APPL2: variants seen among roughly 807,000 people sequenced by gnomAD.
APPL2 encodes adaptor protein, phosphotyrosine interacting with PH domain and leucine zipper 2, also known as DCC-interacting protein 13-beta.
Under a neutral mutation model 92.7 loss-of-function variants are expected in APPL2, and 84 were observed. That is an observed-to-expected ratio of 0.91 (90% confidence interval 0.76 to 1.09). APPL2 has a LOEUF of 1.09. APPL2 is among the 50% of genes least tolerant of loss of function. APPL2 has a pLI of 0.00. For synonymous variants in APPL2, 291 were observed against 291.0 expected (o/e 1.00, Z 0.00); for missense variants, 736 against 824.5 (o/e 0.89, Z 1.31).
At chr12:105,226,332 A>T (rs944505652) in intron 2 of APPL2, among the ~76,000 whole-genome samples, 5 of 152,222 alleles carry the variant, frequency 3.3e-5, no homozygotes, top group African/African-American at 1.2e-4. Flanking sequence ...ATCTGGCAGC[A>T]CTAACCAGAC....
chr12:105,207,261 T>G (rs1888801870), intron 7 of APPL2, 54 bp from the exon 8 acceptor site: 1 of 1,522,256 alleles, frequency 6.6e-7, no homozygotes, highest in Non-Finnish European at 8.8e-7. Context: ...GTGACAATTC[T>G]GTAAAAGCGT....
At chr12:105,203,309 A>T (rs923434987) in intron 9 of APPL2, 1 of 173,096 alleles carries the variant, frequency 5.8e-6, no homozygotes, top group Non-Finnish European at 1.2e-5. Flanking sequence ...TTAATTCCAA[A>T]AAGGCTCTAT....
rs1273219075 is a variant in APPL2, at chr12:105,208,190, G to C, written c.383C>G (p.Thr128Ser). 1 of 1,614,230 alleles carries C rather than the reference G, an allele frequency of 6.2e-7. No homozygotes were observed. The change falls in exon 6 of 21, where the codon ACT becomes AGT. Residue 128 changes from threonine to serine, a missense_variant. Coordinates refer to ENST00000258530, the MANE Select transcript of APPL2 (RefSeq NM_018171.5). ...FREKDLTEVS[T>S]LKDLFGLASN... ...AGCGAGTCCAAATAGATCCTTTAAA[G>C]TGCTTACTTCTGAAAAGGAGAAAAG...
Position 105,195,449 on chromosome 12 carries a change from G to A in APPL2, c.1148C>T (p.Pro383Leu), listed in dbSNP as rs1887556955. The A allele has an allele frequency of 3.7e-6, 6 of 1,614,090 alleles. No homozygotes were observed. The East Asian group carries it at 1.3e-4, about 36-fold the overall frequency. The part of the protein sequence containing the change: ...ISRQIYLTDN[P>L]EAVAIKLNQT... The stretch of plus-strand genomic sequence containing the variant: ...ATGCCGGTGGCTGATAATTACCTCA[G>A]GGTTGTCGGTCAGGTAGATCTGTCT... Residue 383 changes from proline to leucine, a missense_variant, in exon 13 of 21, where the codon CCT becomes CTT. By Grantham distance (98) the Pro-to-Leu change is moderately conservative (BLOSUM62 -3). Transcript: ENST00000258530.
At chr12:105,191,741 C>T (rs147716531) in intron 14 of APPL2, among the ~76,000 whole-genome samples, 22 of 152,306 alleles carry the variant, frequency 1.4e-4, no homozygotes, top group Non-Finnish European at 2.9e-4. Context: ...AAGCATCTAA[C>T]ACAGCTGATC....
At chr12:105,233,356 G>T (rs150151502) in intron 1 of APPL2, 10 of 985,466 alleles carry the variant, frequency 1.0e-5, no homozygotes, top group Non-Finnish European at 1.2e-5. Context: ...TCCCACATAT[G>T]AGAGGTAAGC....
At chr12:105,196,115 C>A (rs1189489491) in intron 11 of APPL2, among the ~76,000 whole-genome samples, 3 of 151,968 alleles carry the variant, frequency 2.0e-5, no homozygotes, top group African/African-American at 7.2e-5. Context: ...TGGCTCTGCC[C>A]TGATTCACTA....
Position 105,211,332 on chromosome 12 carries a change from AT to A in APPL2, c.286-16del, listed in dbSNP as rs771089160. The A allele has an allele frequency of 6.4e-7, 1 of 1,562,166 alleles. No individual in the cohort carries two copies. The highest frequency in any genetic ancestry group is 8.8e-7 in the Non-Finnish European group (1 of 1,133,348). Reference sequence around the variant, plus strand: ...AGAAGATTAAGCTGAAAGAAAGAGAATGGTATTCAAGTAAATTAAATACATT... The same window carrying A: ...AGAAGATTAAGCTGAAAGAAAGAGAAGGTATTCAAGTAAATTAAATACATT... On this transcript the variant is annotated splice_polypyrimidine_tract_variant and intron_variant, in intron 4 of 20. Transcript: ENST00000258530.
At chr12:105,182,181 C>T (rs571481693) in intron 17 of APPL2, among the ~76,000 whole-genome samples, 1 of 152,254 alleles carries the variant, frequency 6.6e-6, no homozygotes, top group South Asian at 2.1e-4. Context: ...GTGCCTGCCA[C>T]CACACCTAGC....
intron 17 of APPL2, among the ~76,000 whole-genome samples, chr12:105,179,903 T>G (rs1055302658): frequency 5.3e-5 from 8 of 152,240 alleles, no homozygotes; most frequent in African/African-American, 1.9e-4. Context: ...TTGAAAAAAT[T>G]TTCTCCCATT....
intron 9 of APPL2, among the ~76,000 whole-genome samples, chr12:105,200,732 CA>C (rs1266815559): frequency 6.6e-6 from 1 of 152,204 alleles, no homozygotes; most frequent in Non-Finnish European, 1.5e-5. Flanking sequence ...CAGAAGCAAA[CA>C]GGGGGCCAGT....
Position 105,186,636 on chromosome 12 carries a change from CATATATATGATATCG to C in APPL2, c.1634+1622_1634+1636del, listed in dbSNP as rs1566056074. ...TATATCATATATATATCATATATAT[CATATATATGATATCG>C]ATATCATATATATCATATATATGAT... On this transcript the variant is annotated intron_variant, in intron 17 of 20. Transcript: ENST00000258530. 7.6e-3 allele frequency among the ~76,000 whole-genome samples: 670 copies of C among 88,660 alleles called. 9 individuals are homozygous for C. Among genetic ancestry groups the C allele is most frequent in the African/African-American group, 0.022 (611 of 28,406 alleles). The allele number at this position is 88,660 out of a possible 152,430, so 58.2% of individuals were successfully genotyped here. A position where few individuals can be genotyped will look rare whatever the true frequency, so the allele number is the denominator to read the frequency against.
intron 9 of APPL2, among the ~76,000 whole-genome samples, chr12:105,202,765 T>A (rs1888323220): frequency 6.6e-6 from 1 of 152,206 alleles, no homozygotes; most frequent in Non-Finnish European, 1.5e-5. Flanking sequence ...GCTCAGTGAC[T>A]TTCAGGTAGG....
At chr12:105,183,904 T>C (rs560713149) in intron 17 of APPL2, among the ~76,000 whole-genome samples, 1 of 152,348 alleles carries the variant, frequency 6.6e-6, no homozygotes, top group Non-Finnish European at 1.5e-5. Flanking sequence ...CAATCAAATA[T>C]AGGTTTGGTC....
chr12:105,191,995 T>A (rs1566062533), intron 14 of APPL2, among the ~76,000 whole-genome samples: 1 of 152,172 alleles, frequency 6.6e-6, no homozygotes, highest in Non-Finnish European at 1.5e-5. Flanking sequence ...AGACGTTTTC[T>A]TTGCACTCCA....
At chr12:105,191,124 G>C (rs2135943808) in intron 14 of APPL2, among the ~76,000 whole-genome samples, 1 of 152,278 alleles carries the variant, frequency 6.6e-6, no homozygotes, top group East Asian at 1.9e-4. Context: ...CTTTACAACA[G>C]GCATTTGACA....
intron 1 of APPL2, among the ~76,000 whole-genome samples, chr12:105,234,748 G>C (rs1353014775): frequency 1.3e-5 from 2 of 152,076 alleles, no homozygotes; most frequent in East Asian, 3.9e-4. Context: ...TCTACCAAGG[G>C]CTTTAGTCTG....
chr12:105,184,240 C>T (rs1448162315), intron 17 of APPL2, among the ~76,000 whole-genome samples: 1 of 152,162 alleles, frequency 6.6e-6, no homozygotes, highest in East Asian at 1.9e-4. Flanking sequence ...TTATTACTCA[C>T]CTTCTGAAGC....
chr12:105,216,772 G>A (rs1362057219), intron 4 of APPL2, among the ~76,000 whole-genome samples: 1 of 152,184 alleles, frequency 6.6e-6, no homozygotes, highest in Admixed American at 6.5e-5. Context: ...ACATATTCAT[G>A]GTAATTTACT....
Sources: gnomAD v4.1 joint callset for allele counts (sites outside exome capture counted in the v4.1 genomes callset) on GRCh38, gnomAD v4.1.1 for gene constraint, MANE v1.5 for transcripts, NCBI Gene and HGNC (gene_info 2026-07-23, HGNC 2026-07-21) for gene names.